CEP192: variants seen among roughly 807,000 people sequenced by gnomAD.
CEP192 encodes centrosomal protein of 192 kDa.
Under a neutral mutation model 271.8 loss-of-function variants are expected in CEP192, and 151 were observed. The ratio of observed to expected loss-of-function variants is 0.56; its 90% CI spans 0.49 to 0.64. CEP192 has a LOEUF of 0.64. Ranked by LOEUF, CEP192 falls within the 30% of genes least tolerant of loss-of-function variation. The probability of loss-of-function intolerance (pLI) is 0.00; values close to 1 mark genes in which losing one functional copy is unlikely to be tolerated. For missense variants in CEP192, 2,910 were observed against 3,020.5 expected (o/e 0.96, Z 0.86); for synonymous variants, 995 against 1,076.5 (o/e 0.92, Z 1.48).
intron 5 of CEP192, among the ~76,000 whole-genome samples, chr18:13,014,339 A>G (rs147969129): frequency 1.3e-5 from 2 of 152,294 alleles, no homozygotes; most frequent in Non-Finnish European, 1.5e-5. Context: ...GGGGAAAATA[A>G]ACGTGTTAGA....
At chr18:13,009,562 G>C (rs539924574) in intron 4 of CEP192, among the ~76,000 whole-genome samples, 18 of 152,352 alleles carry the variant, frequency 1.2e-4, no homozygotes, top group African/African-American at 4.3e-4. Context: ...GCCAGGCATG[G>C]TGGCTTACGC....
rs763768389 is a variant in CEP192, at chr18:13,049,581, CAG to C, written c.2794_2795del (p.Glu932LysfsTer6). On this transcript the variant is annotated frameshift_variant, in exon 16 of 45. Coordinates refer to ENST00000506447, the MANE Select transcript of CEP192 (RefSeq NM_032142.4). LOFTEE classifies it high-confidence loss of function. ...AAGACTGTGAAGAAATACGAGATAA[CAG>C]AGAAAATCAGAGGCAAAATGAGTGT... is the stretch of plus-strand genomic sequence containing the variant. Reference protein sequence around the residue: ...LKDCEEIRDNRENQRQNECVS... With the variant: ...LKDCEEIRDNXENQRQNECVS... The C allele has an allele frequency of 1.1e-5, 17 of 1,613,628 alleles. No individual in the cohort carries two copies. The highest frequency in any genetic ancestry group is 4.0e-5 in the African/African-American group (3 of 74,786).
chr18:13,071,311 CT>C, intron 28 of CEP192, 99 bp downstream of exon 28: 1 of 997,690 alleles, frequency 1.0e-6, no homozygotes, highest in South Asian at 1.6e-5. Flanking sequence ...AATAGACACT[CT>C]TCAGGCTCAA....
chr18:13,047,884 G>T (rs2036567975), intron 15 of CEP192, among the ~76,000 whole-genome samples: 1 of 152,002 alleles, frequency 6.6e-6, no homozygotes, highest in African/African-American at 2.4e-5. Flanking sequence ...TAAGTTTTTG[G>T]TTTTAAATTA....
rs1438499863 is a variant in CEP192 at position 13,113,566 on chromosome 18, C to T, written c.7048-20C>T. 2 of 1,611,070 alleles carry T rather than the reference C, an allele frequency of 1.2e-6. No individual in the cohort carries two copies. The highest frequency in any genetic ancestry group is 8.5e-7 in the Non-Finnish European group (1 of 1,178,346). The stretch of plus-strand genomic sequence containing the variant: ...TTTAATGATCAGTGTCTAAATTTCT[C>T]TTCTGTATGTATTTCGTAGGTCTCC... On this transcript the variant is annotated intron_variant, in intron 40 of 44. Coordinates refer to ENST00000506447, the MANE Select transcript of CEP192 (RefSeq NM_032142.4).
At chr18:13,013,504 G>A (rs2034478908) in intron 5 of CEP192, among the ~76,000 whole-genome samples, 1 of 152,158 alleles carries the variant, frequency 6.6e-6, no homozygotes, top group Admixed American at 6.5e-5. Context: ...AAAAAGACAG[G>A]TCTAATGAGC....
chr18:13,121,303 T>C (rs1302004118), intron 44 of CEP192, among the ~76,000 whole-genome samples: 1 of 152,224 alleles, frequency 6.6e-6, no homozygotes, highest in Non-Finnish European at 1.5e-5. Context: ...AATAATAGGA[T>C]TGTAGTCATC....
At chr18:13,115,484 A>C (rs1173938559) in intron 42 of CEP192, among the ~76,000 whole-genome samples, 1 of 152,050 alleles carries the variant, frequency 6.6e-6, no homozygotes, top group Non-Finnish European at 1.5e-5. Context: ...TTTTCTGGAG[A>C]GCTGGGAAGC....
chr18:13,030,025 A>G, intron 10 of CEP192, 23 bp downstream of exon 10: 1 of 1,472,188 alleles, frequency 6.8e-7, no homozygotes, highest in Non-Finnish European at 9.2e-7. Context: ...TTTAAAAAAT[A>G]GAGTGAAAGA....
At position 13,030,520 on chromosome 18, in the gene CEP192, A is replaced by G; in HGVS notation, c.1446A>G (p.Thr482=). ...AAAATGAAGAGGGTAGGTGGGTCACAGACCTTGCCTATTACACATCTTTTA... is the reference window on the plus strand; with the variant it reads ...AAAATGAAGAGGGTAGGTGGGTCACGGACCTTGCCTATTACACATCTTTTA... ...VYQNEEGRWV[T]DLAYYTSFNS... Residue 482 remains threonine, a synonymous_variant, in exon 11 of 45, where the codon ACA becomes ACG. Transcript: ENST00000506447. 6.2e-7 allele frequency: 1 copy of G among 1,612,708 alleles called. No individual in the cohort carries two copies. Among genetic ancestry groups the G allele is most frequent in the South Asian group, 1.1e-5 (1 of 91,014 alleles).
chr18:13,068,273 T>G (rs2037820883), intron 23 of CEP192, 36 bp downstream of exon 23: 2 of 1,607,920 alleles, frequency 1.2e-6, no homozygotes, highest in South Asian at 2.2e-5. Context: ...AAGAGGAAAT[T>G]AAGCTTCTAA....
chr18:13,030,613 G>A lies in CEP192; in HGVS notation c.1534+5G>A. The A allele has an allele frequency of 6.3e-7, 1 of 1,589,888 alleles. No homozygotes were observed. The highest frequency in any genetic ancestry group is 8.6e-7 in the Non-Finnish European group (1 of 1,160,930). On this transcript the variant is annotated splice_donor_5th_base_variant and intron_variant, in intron 11 of 44. Coordinates refer to ENST00000506447, the MANE Select transcript of CEP192 (RefSeq NM_032142.4). ...ATGAAGACTTCAGATCTGGTTGTAA[G>A]TATATGGATAAACATTTATTATAAC... is the stretch of plus-strand genomic sequence containing the variant.
At chr18:13,084,459 C>T (rs1423636316) in intron 30 of CEP192, among the ~76,000 whole-genome samples, 4 of 152,148 alleles carry the variant, frequency 2.6e-5, no homozygotes, top group African/African-American at 7.2e-5. Flanking sequence ...CCTGGTGTGC[C>T]GTTTGCTAAG....
chr18:13,005,861 T>C (rs916657710), intron 3 of CEP192, among the ~76,000 whole-genome samples: 3 of 152,248 alleles, frequency 2.0e-5, no homozygotes, highest in African/African-American at 7.2e-5. Flanking sequence ...GAGTACAGAA[T>C]TTTAGGATGA....
intron 36 of CEP192, among the ~76,000 whole-genome samples, chr18:13,098,596 G>T (rs1327374935): frequency 1.3e-5 from 2 of 151,220 alleles, no homozygotes; most frequent in East Asian, 3.9e-4. Flanking sequence ...GCCGGGCAGA[G>T]ATGCTCCTCA....
In CEP192 at chr18:13,116,386, T is replaced by TG. The variant is rs2040430607; in HGVS notation, c.7300dup (p.Val2434GlyfsTer19). On this transcript the variant is annotated frameshift_variant, in exon 43 of 45. Coordinates refer to ENST00000506447, the MANE Select transcript of CEP192 (RefSeq NM_032142.4). LOFTEE classifies it high-confidence loss of function. ...CCTATTCCCAAAGCAGGCAGCTTGA[T>TG]GTGACTGCTCGTGGAGTTTATGCCC... is the stretch of plus-strand genomic sequence containing the variant. 1 of 1,612,134 alleles carries TG rather than the reference T, an allele frequency of 6.2e-7. No homozygotes were observed. Among genetic ancestry groups the TG allele is most frequent in the Non-Finnish European group, 8.5e-7 (1 of 1,179,550 alleles).
At chr18:13,029,524 C>T (rs1012260924) in intron 9 of CEP192, 139 bp from the exon 10 acceptor site, 22 of 610,208 alleles carry the variant, frequency 3.6e-5, no homozygotes, top group Non-Finnish European at 5.4e-5. Flanking sequence ...TAGAATACAG[C>T]GAATACTGTG....
At chr18:13,110,558 G>A (rs185760553) in intron 40 of CEP192, among the ~76,000 whole-genome samples, 102 of 152,168 alleles carry the variant, frequency 6.7e-4, no homozygotes, top group East Asian at 2.1e-3. Flanking sequence ...ACTGTATTAG[G>A]GTTCTCCAGA....
intron 11 of CEP192, among the ~76,000 whole-genome samples, chr18:13,033,112 T>G (rs1431609288): frequency 6.6e-6 from 1 of 152,176 alleles, no homozygotes; most frequent in African/African-American, 2.4e-5. Context: ...TTGTGAAAAT[T>G]CCTTGAGCTG....
Sources: gnomAD v4.1 joint callset for allele counts (sites outside exome capture counted in the v4.1 genomes callset) on GRCh38, gnomAD v4.1.1 for gene constraint, MANE v1.5 for transcripts, NCBI Gene and HGNC (gene_info 2026-07-23, HGNC 2026-07-21) for gene names.